Variants in LURAP1L observed in about 807,000 individuals in gnomAD.
LURAP1L encodes leucine rich adaptor protein 1-like.
A neutral mutation model predicts 13.8 loss-of-function variants in LURAP1L; 12 were observed. The observed-to-expected ratio is 0.87, with a 90% CI of 0.56 to 1.41. The LOEUF (loss-of-function observed/expected upper bound fraction) is 1.41. LURAP1L is among the 40% of genes most tolerant of loss of function. The probability of loss-of-function intolerance (pLI) is 0.00; values close to 1 mark genes in which losing one functional copy is unlikely to be tolerated. For synonymous variants in LURAP1L, 139 were observed against 119.2 expected, an observed-to-expected ratio of 1.17 and a Z score of -1.08; for missense variants, 375 against 292.9, an observed-to-expected ratio of 1.28 and a Z score of -2.04.
chr9:12,807,372 T>C (rs1425712908), intron 1 of LURAP1L, among the ~76,000 whole-genome samples: 2 of 152,080 alleles, frequency 1.3e-5, no homozygotes, highest in African/African-American at 4.8e-5. Flanking sequence ...TTGGAAGAGA[T>C]TATCTGTTTC....
rs538691930 is a variant in LURAP1L, at chr9:12,819,060, A to T, written c.313-2326A>T. 3.1e-4 allele frequency among the ~76,000 whole-genome samples: 47 copies of T among 152,242 alleles called. No homozygotes were observed. In the Middle Eastern group the frequency reaches 0.014, roughly 44 times the overall value. On this transcript the variant is annotated intron_variant, in intron 1 of 1. Coordinates refer to ENST00000319264, the MANE Select transcript of LURAP1L (RefSeq NM_203403.2). ...TGTGCGGAGGAATTTAAACATAAAG[A>T]CTGTCAGAAACCTCCTTCCTCAACA...
chr9:12,781,724 T>TG (rs1197275901), intron 1 of LURAP1L, among the ~76,000 whole-genome samples: 1 of 152,192 alleles, frequency 6.6e-6, no homozygotes, highest in Non-Finnish European at 1.5e-5. Flanking sequence ...GACACAGGAG[T>TG]GAAGATATCT....
intron 1 of LURAP1L, among the ~76,000 whole-genome samples, chr9:12,813,502 T>C (rs1230523714): frequency 6.6e-6 from 1 of 152,148 alleles, no homozygotes; most frequent in African/African-American, 2.4e-5. Context: ...GTAGGAGTAT[T>C]TATGCTACAG....
At chr9:12,790,188 G>T (rs989016791) in intron 1 of LURAP1L, among the ~76,000 whole-genome samples, 3 of 152,172 alleles carry the variant, frequency 2.0e-5, no homozygotes, top group Non-Finnish European at 4.4e-5. Flanking sequence ...CTCTATACAT[G>T]ACTTCATCTG....
chr9:12,795,004 G>C (rs759099292), intron 1 of LURAP1L, among the ~76,000 whole-genome samples: 1 of 151,910 alleles, frequency 6.6e-6, no homozygotes, highest in East Asian at 1.9e-4. Flanking sequence ...TTTAATCTCA[G>C]AGGTCCCATG....
At chr9:12,798,893 T>C (rs1819546525) in intron 1 of LURAP1L, among the ~76,000 whole-genome samples, 1 of 152,208 alleles carries the variant, frequency 6.6e-6, no homozygotes, top group Admixed American at 6.5e-5. Context: ...GACTACAATA[T>C]CCAATATAAT....
chr9:12,791,043 A>C (rs980858604), intron 1 of LURAP1L, among the ~76,000 whole-genome samples: 1 of 152,128 alleles, frequency 6.6e-6, no homozygotes, highest in Non-Finnish European at 1.5e-5. Context: ...CTCAGTATAG[A>C]CTTGGCAACT....
chr9:12,810,014 G>T (rs999545425), intron 1 of LURAP1L, among the ~76,000 whole-genome samples: 2 of 152,176 alleles, frequency 1.3e-5, no homozygotes, highest in African/African-American at 2.4e-5. Context: ...CTTTTAGCGA[G>T]CCTGAGTTGG....
At chr9:12,787,983 G>A (rs1208388845) in intron 1 of LURAP1L, among the ~76,000 whole-genome samples, 1 of 151,832 alleles carries the variant, frequency 6.6e-6, no homozygotes, top group African/African-American at 2.4e-5. Context: ...GTGGTGGTAG[G>A]TGCCTGTAAT....
chr9:12,775,545 T>G lies in LURAP1L; in HGVS notation c.-171T>G. The G allele has an allele frequency of 9.0e-7, 1 of 1,113,898 alleles. No homozygotes were observed. The highest frequency in any genetic ancestry group is 1.2e-6 in the Non-Finnish European group (1 of 828,588). 69.0% of individuals were successfully genotyped at this position (1,113,898 alleles called of 1,614,324 possible). A position where few individuals can be genotyped will look rare whatever the true frequency, so the allele number is the denominator to read the frequency against. On this transcript the variant is annotated 5_prime_UTR_variant, in exon 1 of 2. Transcript: ENST00000319264. ...TGCGACCCCCCGCGTCCTGTGCGGA[T>G]TTCAGGGCTGATACCGCATAGGCGG...
rs1013722518 is a variant in LURAP1L at position 12,822,298 on chromosome 9, C to T, written c.*538C>T. 6.6e-6 allele frequency among the ~76,000 whole-genome samples: 1 copy of T among 152,182 alleles called. No individual in the cohort carries two copies. ...AATCAACCATACTGTTAGTCACACA[C>T]GCCCACATGACAATCATCTGAAAGT... On this transcript the variant is annotated 3_prime_UTR_variant, in exon 2 of 2. Transcript: ENST00000319264.
rs191147606 is a variant in LURAP1L at position 12,802,886 on chromosome 9, T to C, written c.313-18500T>C. On this transcript the variant is annotated intron_variant, in intron 1 of 1. Transcript: ENST00000319264. ...TCACTTTATTAGCACAAAATGAACATTTTCATCTCTGAGCCTTTGCTTATT... is the reference window on the plus strand; with the variant it reads ...TCACTTTATTAGCACAAAATGAACACTTTCATCTCTGAGCCTTTGCTTATT... 1.4e-3 allele frequency among the ~76,000 whole-genome samples: 220 copies of C among 152,288 alleles called. 1 individual carries two copies. Among genetic ancestry groups the C allele is most frequent in the African/African-American group, 5.1e-3 (213 of 41,568 alleles).
intron 1 of LURAP1L, among the ~76,000 whole-genome samples, chr9:12,820,420 G>GT (rs1819857948): frequency 6.7e-6 from 1 of 149,270 alleles, no homozygotes; most frequent in African/African-American, 2.5e-5. Context: ...GGAGAATGGC[G>GT]TGAACTCAGG....
chr9:12,812,356 G>A (rs1819748363), intron 1 of LURAP1L, among the ~76,000 whole-genome samples: 1 of 152,122 alleles, frequency 6.6e-6, no homozygotes, highest in African/African-American at 2.4e-5. Context: ...TTGATCCATA[G>A]GTACATTCAA....
At position 12,781,129 on chromosome 9, in the gene LURAP1L, G is replaced by A. The variant is rs146081287; in HGVS notation, c.312+5102G>A. 2.7e-3 allele frequency among the ~76,000 whole-genome samples: 410 copies of A among 152,032 alleles called. 2 individuals carry two copies. The highest frequency in any genetic ancestry group is 9.2e-3 in the African/African-American group (383 of 41,462). On this transcript the variant is annotated intron_variant, in intron 1 of 1. Coordinates refer to ENST00000319264, the MANE Select transcript of LURAP1L (RefSeq NM_203403.2). The stretch of plus-strand genomic sequence containing the variant: ...TGGGATTACAGGCATGTGCCACTAC[G>A]CCCGACTAATTTTGTATTTTTAGTA...
At chr9:12,782,276 C>G (rs974905725) in intron 1 of LURAP1L, among the ~76,000 whole-genome samples, 1 of 152,120 alleles carries the variant, frequency 6.6e-6, no homozygotes, top group Non-Finnish European at 1.5e-5. Context: ...TCCCATTTTT[C>G]CATTTTTGCT....
intron 1 of LURAP1L, among the ~76,000 whole-genome samples, chr9:12,809,022 G>A (rs1586885405): frequency 6.6e-6 from 1 of 152,278 alleles, no homozygotes; most frequent in Non-Finnish European, 1.5e-5. Context: ...ATGGCAGAAG[G>A]AAAGGGCAGC....
chr9:12,819,127 G>C lies in LURAP1L; in HGVS notation c.313-2259G>C, dbSNP rs184819985. Among the ~76,000 whole-genome samples, 3 of 152,224 alleles carry C rather than the reference G, an allele frequency of 2.0e-5. No individual in the cohort carries two copies. The East Asian group carries it at 5.8e-4, about 30-fold the overall frequency. ...TTATTGAGACACCCCAACAAATAGAGGGGCTTCTCAAGGCTAAGTTCACAT... is the reference window on the plus strand; with the variant it reads ...TTATTGAGACACCCCAACAAATAGACGGGCTTCTCAAGGCTAAGTTCACAT... On this transcript the variant is annotated intron_variant, in intron 1 of 1. Transcript: ENST00000319264.
intron 1 of LURAP1L, among the ~76,000 whole-genome samples, chr9:12,805,655 A>AT (rs1425459787): frequency 6.6e-6 from 1 of 152,182 alleles, no homozygotes; most frequent in East Asian, 1.9e-4. Flanking sequence ...TCATCATCCT[A>AT]ATATAGGTTA....
Sources: allele counts gnomAD v4.1 joint callset (sites outside exome capture counted in the v4.1 genomes callset), GRCh38; gene constraint gnomAD v4.1.1; transcripts MANE v1.5; gene names NCBI Gene and HGNC (gene_info 2026-07-23, HGNC 2026-07-21).